CD33: variants seen among roughly 807,000 people sequenced by gnomAD.
CD33 encodes the protein CD33 molecule.
Under a neutral mutation model 31.4 loss-of-function variants are expected in CD33, and 25 were observed. That is an observed-to-expected ratio of 0.80 (90% CI 0.58 to 1.11). The LOEUF is 1.11. CD33 is among the 50% of genes most tolerant of loss of function. The pLI is 0.00. For missense variants in CD33, 407 were observed against 448.1 expected (o/e 0.91, Z 0.83); for synonymous variants, 176 against 180.6 (o/e 0.97, Z 0.20).
At chr19:51,216,382 C>T in the CD33 span, among the ~76,000 whole-genome samples, 1 of 152,092 alleles carries the variant, frequency 6.6e-6, no homozygotes, top group Non-Finnish European at 1.5e-5. Context: ...CAGGGGTTCA[C>T]TGGTAGACAT....
At chr19:51,214,418 G>A in the CD33 span, among the ~76,000 whole-genome samples, 2,977 of 149,954 alleles carry the variant, frequency 0.02, 323 homozygotes, top group Admixed American at 0.18. Flanking sequence ...GGCTGGTCTC[G>A]AATTTCTGAC....
At chr19:51,223,222 A>G (rs1376565880), upstream of CD33, among the ~76,000 whole-genome samples, 1 of 152,144 alleles carries the variant, frequency 6.6e-6, no homozygotes, top group Admixed American at 6.6e-5. Flanking sequence ...CCTGTCTTAA[A>G]AAAAAAAGCA....
intron 4 of CD33, among the ~76,000 whole-genome samples, chr19:51,230,865 G>A (rs1981355321): frequency 1.3e-5 from 2 of 152,104 alleles, no homozygotes; most frequent in South Asian, 4.1e-4. Context: ...CTGGGTCCAG[G>A]GTCTCAAACC....
chr19:51,211,959 G>A, the CD33 span: 1 of 1,263,836 alleles, frequency 7.9e-7, no homozygotes. Flanking sequence ...CCACTCCTCA[G>A]TGCTCACGAT....
the CD33 span, among the ~76,000 whole-genome samples, chr19:51,216,238 G>GTGTGTA: frequency 6.7e-6 from 1 of 150,336 alleles, no homozygotes; most frequent in African/African-American, 2.5e-5. Flanking sequence ...GTGTGTGTGT[G>GTGTGTA]TGTGTGTGTG....
At chr19:51,236,131 C>G (rs992153144) in intron 6 of CD33, 6 of 413,560 alleles carry the variant, frequency 1.5e-5, no homozygotes, top group Non-Finnish European at 2.3e-5. Flanking sequence ...GCACTCCAGC[C>G]TGGGTGACAG....
At chr19:51,225,751 C>T in intron 2 of CD33, 52 bp from the exon 3 acceptor site, 2 of 1,577,018 alleles carry the variant, frequency 1.3e-6, no homozygotes, top group Non-Finnish European at 1.7e-6. Flanking sequence ...TCTCTCAGGC[C>T]CTCACCTGGA....
At chr19:51,221,011 A>G (rs1980663059), upstream of CD33, among the ~76,000 whole-genome samples, 1 of 152,230 alleles carries the variant, frequency 6.6e-6, no homozygotes, top group Non-Finnish European at 1.5e-5. Context: ...AAACCACAAC[A>G]GCAACAACAA....
chr19:51,226,006 A>G lies in CD33; in HGVS notation c.622A>G (p.Thr208Ala). The part of the protein sequence containing the change: ...IITPRPQDHG[T>A]NLTCQVKFAG... ...CACCCCACGGCCCCAGGACCACGGC[A>G]CCAACCTGACCTGTCAGGTGAAGTT... is the stretch of plus-strand genomic sequence containing the variant. The change falls in exon 3 of 7, where the codon ACC (threonine) becomes GCC (alanine). Residue 208 changes from threonine (T) to alanine (A), a missense_variant. Coordinates refer to ENST00000262262, the MANE Select transcript of CD33 (RefSeq NM_001772.4). 1.2e-6 allele frequency: 2 copies of G among 1,614,008 alleles called. No homozygotes were observed.
At chr19:51,218,001 G>T in the CD33 span, among the ~76,000 whole-genome samples, 1 of 152,146 alleles carries the variant, frequency 6.6e-6, no homozygotes, top group Admixed American at 6.5e-5. Flanking sequence ...ACAAACATAC[G>T]AGTGCAGGTA....
chr19:51,235,113 G>T, intron 4 of CD33, 44 bp from the exon 5 acceptor site: 1 of 1,521,094 alleles, frequency 6.6e-7, no homozygotes. Flanking sequence ...ACACATACCT[G>T]TTTATCTAGA....
chr19:51,233,152 A>G (rs1208115679), intron 4 of CD33, among the ~76,000 whole-genome samples: 2 of 152,174 alleles, frequency 1.3e-5, no homozygotes, highest in African/African-American at 4.8e-5. Context: ...GGCCAGAGTC[A>G]TGTCCACAGA....
At chr19:51,220,155 AT>A (rs943181777), upstream of CD33, among the ~76,000 whole-genome samples, 1 of 151,834 alleles carries the variant, frequency 6.6e-6, no homozygotes, top group African/African-American at 2.4e-5. Flanking sequence ...TTGTTGAGAG[AT>A]TTTTTTCTAT....
At chr19:51,220,566 G>A (rs1980639168), upstream of CD33, among the ~76,000 whole-genome samples, 1 of 152,142 alleles carries the variant, frequency 6.6e-6, no homozygotes, top group African/African-American at 2.4e-5. Context: ...ACTCTTGTAG[G>A]ACTCTTGTGA....
intron 3 of CD33, 111 bp downstream of exon 3, chr19:51,226,192 A>C: frequency 1.3e-6 from 2 of 1,510,290 alleles, no homozygotes; most frequent in Non-Finnish European, 1.8e-6. Flanking sequence ...GGGAGCCAGA[A>C]GGACATGAGC....
upstream of CD33, among the ~76,000 whole-genome samples, chr19:51,222,789 A>T (rs901165898): frequency 1.3e-5 from 2 of 152,218 alleles, no homozygotes; most frequent in African/African-American, 4.8e-5. Context: ...ATCTCATGCA[A>T]ATGTGAACTT....
chr19:51,221,938 C>T (rs183320290), upstream of CD33, among the ~76,000 whole-genome samples: 10 of 152,214 alleles, frequency 6.6e-5, no homozygotes, highest in Non-Finnish European at 1.0e-4. Context: ...TCCATTTATA[C>T]GACATTCTGT....
At chr19:51,238,820 T>C (rs1040618456) in intron 6 of CD33, 1 of 152,224 alleles carries the variant, frequency 6.6e-6, no homozygotes, top group Non-Finnish European at 1.5e-5. Flanking sequence ...CACCAGCAAA[T>C]GGTTGTACCC....
At chr19:51,235,940 C>T (rs184018621) in intron 6 of CD33, 52 of 697,292 alleles carry the variant, frequency 7.5e-5, no homozygotes, top group South Asian at 3.7e-4. Context: ...GGGCGGATCA[C>T]GAGGTCAGGA....
Sources: gnomAD v4.1 joint callset for allele counts (sites outside exome capture counted in the v4.1 genomes callset) on GRCh38, gnomAD v4.1.1 for gene constraint, MANE v1.5 for transcripts, NCBI Gene and HGNC (gene_info 2026-07-23, HGNC 2026-07-21) for gene names.